The following FAT3 variants were observed in gnomAD, a reference collection of about 807,000 sequenced individuals.
FAT3 encodes protocadherin Fat 3.
Under a neutral mutation model 310.2 loss-of-function variants are expected in FAT3, and 95 were observed. That is an observed-to-expected ratio of 0.31 (90% CI 0.26 to 0.36). The LOEUF is 0.36. Among genes scored for constraint, FAT3 ranks in the 10% least tolerant of loss-of-function variants. FAT3 has a pLI of 1.00. For synonymous variants in FAT3, 2,314 were observed against 2,192.9 expected (o/e 1.06, Z -1.54); for missense variants, 5,408 against 5,715.6 (o/e 0.95, Z 1.74).
intron 2 of FAT3, among the ~76,000 whole-genome samples, chr11:92,367,469 T>A (rs1949057455): frequency 1.3e-5 from 2 of 151,600 alleles, no homozygotes; most frequent in Admixed American, 1.3e-4. Context: ...ATAAAATAAA[T>A]AAATAAGGTG....
chr11:92,415,558 A>G (rs139470600), intron 2 of FAT3, among the ~76,000 whole-genome samples: 3 of 152,226 alleles, frequency 2.0e-5, no homozygotes, highest in Non-Finnish European at 4.4e-5. Context: ...CTCTACCTCT[A>G]TGCTTCAGAT....
intron 1 of FAT3, among the ~76,000 whole-genome samples, chr11:92,308,029 C>T (rs1947185155): frequency 6.6e-6 from 1 of 151,896 alleles, no homozygotes; most frequent in Non-Finnish European, 1.5e-5. Context: ...CTGAACTTAA[C>T]AGCAACATTT....
chr11:92,797,538 G>A (rs1455156810), intron 9 of FAT3, among the ~76,000 whole-genome samples: 1 of 152,066 alleles, frequency 6.6e-6, no homozygotes, highest in Non-Finnish European at 1.5e-5. Flanking sequence ...CTCTCCTTCG[G>A]GCTCTCTTAT....
At chr11:92,744,562 G>A (rs1945600032) in intron 4 of FAT3, among the ~76,000 whole-genome samples, 1 of 152,058 alleles carries the variant, frequency 6.6e-6, no homozygotes, top group Admixed American at 6.5e-5. Flanking sequence ...TTTTTTATAG[G>A]AACATGAGTA....
chr11:92,445,149 A>T (rs1486711161), intron 2 of FAT3, among the ~76,000 whole-genome samples: 1 of 152,224 alleles, frequency 6.6e-6, no homozygotes, highest in Non-Finnish European at 1.5e-5. Context: ...AACTATGAGA[A>T]AATAAAATAC....
intron 3 of FAT3, among the ~76,000 whole-genome samples, chr11:92,692,848 A>C (rs888898210): frequency 2.0e-5 from 3 of 152,232 alleles, no homozygotes; most frequent in African/African-American, 7.2e-5. Context: ...AATTATGCTG[A>C]AACAGCTAAG....
At chr11:92,355,450 A>G (rs1310815697) in intron 2 of FAT3, 46 bp downstream of exon 2, 1 of 1,545,972 alleles carries the variant, frequency 6.5e-7, no homozygotes, top group Non-Finnish European at 8.8e-7. Flanking sequence ...ACCTCTTTTA[A>G]ATGGTCAACA....
In FAT3 at chr11:92,735,557, C is replaced by CATAGATAG. The variant is rs35680919; in HGVS notation, c.3670-26261_3670-26254dup. 3.3e-3 allele frequency among the ~76,000 whole-genome samples: 486 copies of CATAGATAG among 148,850 alleles called. 2 individuals carry two copies. Among genetic ancestry groups the CATAGATAG allele is most frequent in the Middle Eastern group, 0.01 (3 of 288 alleles). On this transcript the variant is annotated intron_variant, in intron 4 of 27. Coordinates refer to ENST00000525166, the MANE Select transcript of FAT3 (RefSeq NM_001367949.2). ...ATGACTAGAAGGATGGATGGATGAG[C>CATAGATAG]ATAGATAGATAGATAGATAGATAGA... is the stretch of plus-strand genomic sequence containing the variant.
chr11:92,551,512 C>G (rs1954822246), intron 3 of FAT3, among the ~76,000 whole-genome samples: 1 of 149,384 alleles, frequency 6.7e-6, no homozygotes, highest in Non-Finnish European at 1.5e-5. Context: ...TTTCATAGAC[C>G]CTGCAGTTCA....
chr11:92,430,677 C>T (rs537354161), intron 2 of FAT3, among the ~76,000 whole-genome samples: 4 of 152,162 alleles, frequency 2.6e-5, no homozygotes, highest in East Asian at 1.9e-4. Flanking sequence ...CACCCTACAA[C>T]AGGCCCTGGT....
At chr11:92,508,512 G>A (rs554610375) in intron 2 of FAT3, among the ~76,000 whole-genome samples, 1 of 152,058 alleles carries the variant, frequency 6.6e-6, no homozygotes, top group African/African-American at 2.4e-5. Context: ...ATCTGAAAAG[G>A]AAAATTTCCA....
intron 1 of FAT3, among the ~76,000 whole-genome samples, chr11:92,238,432 A>G (rs528780153): frequency 8.5e-5 from 13 of 152,180 alleles, no homozygotes; most frequent in African/African-American, 1.7e-4. Flanking sequence ...GGAGGGGGCA[A>G]TCTGGTTGGA....
chr11:92,434,032 A>G, intron 2 of FAT3, among the ~76,000 whole-genome samples: 1 of 140,838 alleles, frequency 7.1e-6, no homozygotes, highest in South Asian at 2.4e-4. Context: ...AAAAAAAAAG[A>G]AGAACCATCA....
chr11:92,679,773 C>T (rs112493259), intron 3 of FAT3, among the ~76,000 whole-genome samples: 3,976 of 128,524 alleles, frequency 0.031, 199 homozygotes, highest in African/African-American at 0.11. Context: ...ACCCGGGAGG[C>T]GGAGTTTGCA....
At chr11:92,242,745 T>C (rs1864717836) in intron 1 of FAT3, among the ~76,000 whole-genome samples, 3 of 152,022 alleles carry the variant, frequency 2.0e-5, no homozygotes, top group Non-Finnish European at 2.9e-5. Context: ...CTGAATCTTA[T>C]GGTCACCCCT....
intron 4 of FAT3, among the ~76,000 whole-genome samples, chr11:92,728,338 C>T (rs1945061900): frequency 1.3e-5 from 2 of 152,060 alleles, no homozygotes; most frequent in African/African-American, 2.4e-5. Context: ...CGGGAGGAAA[C>T]TATGTATGCC....
At chr11:92,366,613 T>G (rs1408496247) in intron 2 of FAT3, 1 of 530,688 alleles carries the variant, frequency 1.9e-6, no homozygotes, top group Non-Finnish European at 3.8e-6. Flanking sequence ...ACAATGGGAA[T>G]AACCAGTTGA....
Position 92,810,208 on chromosome 11 carries a change from C to T in FAT3, c.9481+132C>T, listed in dbSNP as rs1947631087. 7 of 766,064 alleles carry T rather than the reference C, an allele frequency of 9.1e-6. No individual in the cohort carries two copies. In the South Asian group the frequency reaches 1.3e-4, roughly 14 times the overall value. The allele number at this position is 766,064 out of a possible 1,614,324, so 47.5% of individuals were successfully genotyped here. On this transcript the variant is annotated intron_variant, in intron 13 of 27. Coordinates refer to ENST00000525166, the MANE Select transcript of FAT3 (RefSeq NM_001367949.2). ...ACCACGAGAACATGTACATTAAACC[C>T]CATTTCAGCTATTCAGCTAATACAC...
chr11:92,586,140 C>G (rs1674085), intron 3 of FAT3, among the ~76,000 whole-genome samples: 44,163 of 151,752 alleles, frequency 0.29, 6,748 homozygotes, highest in Non-Finnish European at 0.33. Flanking sequence ...TCTTGTGATA[C>G]TGGGTTAGAA....
Sources: allele counts gnomAD v4.1 joint callset (sites outside exome capture counted in the v4.1 genomes callset), GRCh38; gene constraint gnomAD v4.1.1; transcripts MANE v1.5; gene names NCBI Gene and HGNC (gene_info 2026-07-23, HGNC 2026-07-21).